The following DACH2 variants were observed in gnomAD, a reference collection of about 807,000 sequenced individuals.
DACH2 encodes dachshund family transcription factor 2, also known as dachshund homolog 2.
Under a neutral mutation model 35.8 loss-of-function variants are expected in DACH2, and 17 were observed. The ratio of observed to expected loss-of-function variants is 0.48; its 90% confidence interval spans 0.33 to 0.71. The LOEUF (loss-of-function observed/expected upper bound fraction) is 0.71, where lower values mean the gene tolerates loss of function less well. Ranked by LOEUF, DACH2 falls within the 30% of genes least tolerant of loss-of-function variation. DACH2 has a pLI of 0.02. For missense variants in DACH2, 469 were observed against 472.7 expected, an observed-to-expected ratio of 0.99 and a Z score of 0.07; for synonymous variants, 195 against 177.3, an observed-to-expected ratio of 1.10 and a Z score of -0.79.
At chrX:86,665,955 T>G (rs764417538) in intron 4 of DACH2, among the ~76,000 whole-genome samples, 1 of 111,878 alleles carries the variant, frequency 8.9e-6, no homozygotes, top group South Asian at 3.7e-4. Flanking sequence ...GTGGATTTTG[T>G]ATTGCATACA....
intron 1 of DACH2, among the ~76,000 whole-genome samples, chrX:86,182,198 A>C (rs985491858): frequency 1.8e-5 from 2 of 111,719 alleles, no homozygotes; most frequent in Non-Finnish European, 3.8e-5. Context: ...AATTAGATCC[A>C]GTTTGTCAAT....
At chrX:86,407,748 G>T (rs1165935556) in intron 2 of DACH2, among the ~76,000 whole-genome samples, 1 of 111,711 alleles carries the variant, frequency 9.0e-6, no homozygotes, top group African/African-American at 3.3e-5. Flanking sequence ...GATAGGCAGA[G>T]CATTGAATTT....
intron 4 of DACH2, among the ~76,000 whole-genome samples, chrX:86,693,414 G>A (rs1465684934): frequency 9.0e-6 from 1 of 111,558 alleles, no homozygotes; most frequent in Non-Finnish European, 1.9e-5. Context: ...CTAGTTGGAA[G>A]CTAGTCAAGA....
chrX:86,301,985 C>A (rs752717490), intron 1 of DACH2, among the ~76,000 whole-genome samples: 1 of 111,295 alleles, frequency 9.0e-6, no homozygotes, highest in Admixed American at 9.5e-5. Flanking sequence ...CCACTTGACC[C>A]AGTGTTAATG....
At chrX:86,461,789 A>C (rs966665528) in intron 2 of DACH2, among the ~76,000 whole-genome samples, 1 of 111,762 alleles carries the variant, frequency 8.9e-6, no homozygotes, top group African/African-American at 3.2e-5. Context: ...TGTTTATCTT[A>C]TTCTTTGCTT....
At chrX:86,674,949 A>G (rs2040809856) in intron 4 of DACH2, among the ~76,000 whole-genome samples, 1 of 110,713 alleles carries the variant, frequency 9.0e-6, no homozygotes, top group Non-Finnish European at 1.9e-5. Flanking sequence ...CTATCTTTTA[A>G]AAATATTGGA....
rs2041315611 is a variant in DACH2 at position 86,714,661 on chromosome X, A to G, written c.1045A>G (p.Met349Val). 4.1e-6 allele frequency: 5 copies of G among 1,208,209 alleles called. No homozygotes were observed. The highest frequency in any genetic ancestry group is 5.6e-6 in the Non-Finnish European group (5 of 892,972). ...QMNHLNTIAN[M>V]AAAAQIHSPL... ...GAACCATCTCAATACTATTGCCAAC[A>G]TGGCTGCTGCAGCACAGATTCACAG... Residue 349 changes from methionine (M) to valine (V), a missense_variant, in exon 6 of 12, where the codon ATG (methionine) becomes GTG (valine). Transcript: ENST00000373125.
chrX:86,383,024 T>C (rs2036070012), intron 2 of DACH2, among the ~76,000 whole-genome samples: 1 of 110,794 alleles, frequency 9.0e-6, no homozygotes, highest in Admixed American at 9.7e-5. Flanking sequence ...CTTCCACTAG[T>C]TCAGAGAATC....
chrX:86,665,961 A>G (rs1324120103), intron 4 of DACH2, among the ~76,000 whole-genome samples: 2 of 111,678 alleles, frequency 1.8e-5, no homozygotes, highest in African/African-American at 6.5e-5. Flanking sequence ...TTTGTATTGC[A>G]TACAGGACTT....
At chrX:86,691,710 C>A (rs1363300829) in intron 4 of DACH2, among the ~76,000 whole-genome samples, 1 of 111,095 alleles carries the variant, frequency 9.0e-6, no homozygotes, top group Non-Finnish European at 1.9e-5. Context: ...CTAAACCTGC[C>A]AAAACCATGA....
At chrX:86,646,610 A>G (rs1048411506) in intron 3 of DACH2, among the ~76,000 whole-genome samples, 1 of 110,390 alleles carries the variant, frequency 9.1e-6, no homozygotes, top group Admixed American at 9.7e-5. Flanking sequence ...CAAACTAAAA[A>G]GCTTCTACAC....
intron 1 of DACH2, among the ~76,000 whole-genome samples, chrX:86,209,669 T>G (rs1047549766): frequency 9.0e-6 from 1 of 110,926 alleles, no homozygotes; most frequent in Non-Finnish European, 1.9e-5. Context: ...AGAATCTGTG[T>G]TTTTCTTTTC....
chrX:86,280,682 T>C (rs766441766), intron 1 of DACH2, among the ~76,000 whole-genome samples: 2 of 112,063 alleles, frequency 1.8e-5, no homozygotes, highest in Non-Finnish European at 3.8e-5. Flanking sequence ...TCATGACCCA[T>C]TGTGGTGCTG....
chrX:86,610,366 T>C (rs181677757), intron 3 of DACH2, among the ~76,000 whole-genome samples: 1,757 of 35,483 alleles, frequency 0.05, 64 homozygotes, highest in African/African-American at 0.14. Flanking sequence ...TTCCTTCCTC[T>C]TTCTTTCTTT....
At chrX:86,599,815 A>G (rs1288280864) in intron 3 of DACH2, among the ~76,000 whole-genome samples, 1 of 110,509 alleles carries the variant, frequency 9.0e-6, no homozygotes, top group Non-Finnish European at 1.9e-5. Context: ...CTCTTTCATT[A>G]TTAGCTTGCG....
chrX:86,267,735 G>C (rs1438806833), intron 1 of DACH2, among the ~76,000 whole-genome samples: 1 of 112,074 alleles, frequency 8.9e-6, no homozygotes, highest in Non-Finnish European at 1.9e-5. Flanking sequence ...ACAGTAATGT[G>C]ACAAATAGAA....
At chrX:86,704,118 T>C (rs1416695465) in intron 5 of DACH2, among the ~76,000 whole-genome samples, 1 of 111,701 alleles carries the variant, frequency 9.0e-6, no homozygotes, top group African/African-American at 3.3e-5. Flanking sequence ...TATAGACATA[T>C]AGACCAATGA....
At chrX:86,805,558 C>CT (rs370290855) in intron 7 of DACH2, among the ~76,000 whole-genome samples, 239 of 104,378 alleles carry the variant, frequency 2.3e-3, no homozygotes, top group East Asian at 3.9e-3. Flanking sequence ...AGAAAATGGG[C>CT]TTTTTTTTTT....
At chrX:86,268,569 C>A (rs893628844) in intron 1 of DACH2, among the ~76,000 whole-genome samples, 4 of 101,200 alleles carry the variant, frequency 4.0e-5, no homozygotes, top group African/African-American at 1.4e-4. Context: ...GAGTCTTGCT[C>A]TCTCACCTAG....
Sources: allele counts gnomAD v4.1 joint callset (sites outside exome capture counted in the v4.1 genomes callset), GRCh38; gene constraint gnomAD v4.1.1; transcripts MANE v1.5; gene names NCBI Gene and HGNC (gene_info 2026-07-23, HGNC 2026-07-21).